Variants in SCML4 observed in about 807,000 individuals in gnomAD.
SCML4 encodes Scm polycomb group protein like 4.
A neutral mutation model predicts 41.1 loss-of-function variants in SCML4; 34 were observed. The observed-to-expected ratio is 0.83, with a 90% CI of 0.63 to 1.10. The LOEUF (loss-of-function observed/expected upper bound fraction) is 1.10. SCML4 is among the 50% of genes least tolerant of loss of function. The pLI is 0.00. For synonymous variants in SCML4, 214 were observed against 220.9 expected, an observed-to-expected ratio of 0.97 and a Z score of 0.28; for missense variants, 522 against 534.1, an observed-to-expected ratio of 0.98 and a Z score of 0.22.
rs35621962 is a variant in SCML4, at chr6:107,817,620, C to CAAAAAAAAAAA, written c.-60+6495_-60+6505dup. ...TGGGCAACAGAGGAAGACTTCATCT[C>CAAAAAAAAAAA]AAAAAAAAAAAAAAAGAAAAAAAAA... is the stretch of plus-strand genomic sequence containing the variant. On this transcript the variant is annotated intron_variant, in intron 1 of 7. Coordinates refer to ENST00000369020, the MANE Select transcript of SCML4 (RefSeq NM_198081.5). Among the ~76,000 whole-genome samples the CAAAAAAAAAAA allele has an allele frequency of 1.4e-3, 63 of 45,982 alleles. 1 individual carries two copies. Among genetic ancestry groups the CAAAAAAAAAAA allele is most frequent in the African/African-American group, 8.8e-3 (63 of 7,192 alleles). 30.2% of individuals were successfully genotyped at this position (45,982 alleles called of 152,430 possible).
At chr6:107,817,635 AG>A (rs386419750) in intron 1 of SCML4, among the ~76,000 whole-genome samples, 1,222 of 40,606 alleles carry the variant, frequency 0.03, 168 homozygotes, top group East Asian at 0.082. Context: ...AAAAAAAAAA[AG>A]AAAAAAAAAA....
the SCML4 span, among the ~76,000 whole-genome samples, chr6:107,836,517 A>G: frequency 3.3e-5 from 5 of 151,978 alleles, no homozygotes; most frequent in Admixed American, 1.3e-4. Context: ...GAGCTTACCA[A>G]CTCCATGGGG....
chr6:107,810,824 A>G (rs367695615), intron 1 of SCML4, among the ~76,000 whole-genome samples: 1 of 152,160 alleles, frequency 6.6e-6, no homozygotes, highest in Non-Finnish European at 1.5e-5. Flanking sequence ...TTATCTTTTT[A>G]TAGAGATGGG....
At chr6:107,716,380 C>T (rs925952948) in intron 6 of SCML4, among the ~76,000 whole-genome samples, 24 of 152,220 alleles carry the variant, frequency 1.6e-4, no homozygotes, top group Non-Finnish European at 2.1e-4. Flanking sequence ...GATTTACCTT[C>T]TCTTGAACCT....
chr6:107,838,747 T>C, the SCML4 span, among the ~76,000 whole-genome samples: 2 of 152,156 alleles, frequency 1.3e-5, no homozygotes, highest in African/African-American at 4.8e-5. Flanking sequence ...GGGATAAATT[T>C]GTGATAGATG....
chr6:107,727,040 G>A (rs1429264608), intron 5 of SCML4, among the ~76,000 whole-genome samples: 1 of 152,166 alleles, frequency 6.6e-6, no homozygotes, highest in Non-Finnish European at 1.5e-5. Flanking sequence ...TTAAGAATCT[G>A]TTATATCCAT....
At chr6:107,830,848 T>C in the SCML4 span, among the ~76,000 whole-genome samples, 2 of 152,210 alleles carry the variant, frequency 1.3e-5, no homozygotes, top group Non-Finnish European at 2.9e-5. Flanking sequence ...GTTGTATTTC[T>C]TTGTAACAAA....
intron 5 of SCML4, among the ~76,000 whole-genome samples, chr6:107,736,900 C>G (rs902219505): frequency 5.9e-5 from 9 of 152,230 alleles, no homozygotes; most frequent in Admixed American, 5.9e-4. Context: ...TCTTCCACCC[C>G]CTGCCATCTG....
intron 2 of SCML4, among the ~76,000 whole-genome samples, chr6:107,766,902 C>CA (rs1780093331): frequency 6.6e-6 from 1 of 151,534 alleles, no homozygotes; most frequent in Non-Finnish European, 1.5e-5. Flanking sequence ...GAAAGAGACA[C>CA]AGGAAGGGTA....
intron 2 of SCML4, among the ~76,000 whole-genome samples, chr6:107,762,050 C>T (rs1681606476): frequency 6.6e-6 from 1 of 151,298 alleles, no homozygotes; most frequent in South Asian, 2.1e-4. Context: ...ACTGGAGGGG[C>T]TAAAAAAGAA....
intron 1 of SCML4, among the ~76,000 whole-genome samples, chr6:107,798,964 T>C (rs1439381418): frequency 4.6e-5 from 7 of 152,164 alleles, no homozygotes; most frequent in Admixed American, 2.0e-4. Context: ...TTGAAATGTA[T>C]TGAGACTTGT....
intron 6 of SCML4, chr6:107,718,384 T>TCCCC (rs1468429855): frequency 1.3e-5 from 2 of 155,780 alleles, no homozygotes; most frequent in African/African-American, 2.4e-5. Flanking sequence ...TTGTGAGGCC[T>TCCCC]CCCCAGCCAT....
intron 1 of SCML4, among the ~76,000 whole-genome samples, chr6:107,817,498 T>C (rs937038772): frequency 1.3e-4 from 19 of 151,752 alleles, no homozygotes; most frequent in Admixed American, 6.6e-5. Context: ...GTGCCTGTAA[T>C]CCCAGCTTCT....
intron 5 of SCML4, among the ~76,000 whole-genome samples, chr6:107,736,613 A>G (rs1777093068): frequency 6.6e-6 from 1 of 152,210 alleles, no homozygotes; most frequent in Admixed American, 6.5e-5. Flanking sequence ...GGTCCATGTA[A>G]TGAAACTCAT....
upstream of SCML4, among the ~76,000 whole-genome samples, chr6:107,829,181 A>G (rs1785330670): frequency 6.6e-6 from 1 of 152,078 alleles, no homozygotes; most frequent in Non-Finnish European, 1.5e-5. Context: ...GGAGTTCAAG[A>G]CCAGCCCGGG....
chr6:107,823,100 A>G (rs1168724248), intron 1 of SCML4, among the ~76,000 whole-genome samples: 1 of 152,112 alleles, frequency 6.6e-6, no homozygotes, highest in Non-Finnish European at 1.5e-5. Flanking sequence ...GAAAAACAGC[A>G]TATAACAAAT....
chr6:107,784,497 T>C (rs933642091), intron 1 of SCML4, among the ~76,000 whole-genome samples: 3 of 152,206 alleles, frequency 2.0e-5, no homozygotes, highest in East Asian at 3.8e-4. Context: ...CATGTATGCT[T>C]ATGGATGCAT....
intron 2 of SCML4, among the ~76,000 whole-genome samples, chr6:107,763,845 T>A (rs190541023): frequency 6.6e-6 from 1 of 152,286 alleles, no homozygotes; most frequent in African/African-American, 2.4e-5. Flanking sequence ...TCCAGAACGA[T>A]GACAAAATTA....
chr6:107,823,462 T>TG (rs1421151825), intron 1 of SCML4, among the ~76,000 whole-genome samples: 1 of 152,214 alleles, frequency 6.6e-6, no homozygotes, highest in Non-Finnish European at 1.5e-5. Flanking sequence ...ATTTTGAGCT[T>TG]GGGAAAACTG....
Sources: allele counts gnomAD v4.1 joint callset (sites outside exome capture counted in the v4.1 genomes callset), GRCh38; gene constraint gnomAD v4.1.1; transcripts MANE v1.5; gene names NCBI Gene and HGNC (gene_info 2026-07-23, HGNC 2026-07-21).